The following TMPRSS11A variants were observed in gnomAD, a reference collection of about 807,000 sequenced individuals.
TMPRSS11A encodes transmembrane serine protease 11A.
Under a neutral mutation model 58.9 loss-of-function variants are expected in TMPRSS11A, and 53 were observed. The observed-to-expected ratio is 0.90, with a 90% CI of 0.72 to 1.13. The LOEUF is 1.13. Ranked by LOEUF, TMPRSS11A falls within the 50% of genes most tolerant of loss-of-function variation. TMPRSS11A has a pLI of 0.00. For missense variants in TMPRSS11A, 493 were observed against 499.3 expected, an observed-to-expected ratio of 0.99 and a Z score of 0.12; for synonymous variants, 167 against 169.8, an observed-to-expected ratio of 0.98 and a Z score of 0.13.
rs918086628 is a variant in TMPRSS11A at position 67,962,910 on chromosome 4, G to T, written c.11+473C>A. Among the ~76,000 whole-genome samples the T allele has an allele frequency of 1.6e-4, 25 of 152,152 alleles. 1 individual carries two copies. Among genetic ancestry groups the T allele is most frequent in the Admixed American group, 1.6e-3 (25 of 15,268 alleles). ...AAGCCCTGGGTCTTCTACAATGGAG[G>T]CAGGTGTCTCTGCAGCTATTTACCT... On this transcript the variant is annotated intron_variant, in intron 1 of 9. Coordinates refer to ENST00000508048, the MANE Select transcript of TMPRSS11A (RefSeq NM_001114387.2).
chr4:67,911,048 C>G lies in TMPRSS11A; in HGVS notation c.*294G>C, dbSNP rs1719963390. ...ACATTCTAAAAATCCCATGGACTAT[C>G]TTCAAAAATATGTATTGAGTCTCAC... On this transcript the variant is annotated 3_prime_UTR_variant, in exon 10 of 10. Transcript: ENST00000508048. 4 of 229,758 alleles carry G rather than the reference C, an allele frequency of 1.7e-5. No individual in the cohort carries two copies. The Admixed American group carries it at 2.1e-4, about 12-fold the overall frequency. 14.2% of individuals were successfully genotyped at this position (229,758 alleles called of 1,614,324 possible).
rs190786309 is a variant in TMPRSS11A at position 67,933,720 on chromosome 4, C to G, written c.253-1660G>C. On this transcript the variant is annotated intron_variant, in intron 3 of 9. Transcript: ENST00000508048. ...GTTATAACAATTTCTCTCTCATCAC[C>G]CACAGCCAGCTCTACTACTCAGTAT... Among the ~76,000 whole-genome samples, 732 of 152,130 alleles carry G rather than the reference C, an allele frequency of 4.8e-3. 2 individuals are homozygous for G. Among genetic ancestry groups the G allele is most frequent in the Non-Finnish European group, 8.2e-3 (560 of 68,002 alleles).
chr4:67,961,293 T>C (rs1346558750), intron 1 of TMPRSS11A, among the ~76,000 whole-genome samples: 1 of 152,128 alleles, frequency 6.6e-6, no homozygotes, highest in Non-Finnish European at 1.5e-5. Flanking sequence ...ATTGTAGTAA[T>C]TATTAACCAT....
intron 5 of TMPRSS11A, among the ~76,000 whole-genome samples, chr4:67,928,835 G>A (rs17639952): frequency 0.01 from 1,560 of 152,220 alleles, 9 homozygotes; most frequent in South Asian, 0.019. Flanking sequence ...GATAAAAATC[G>A]CTTGCCCTGA....
At chr4:67,932,848 A>G (rs898375217) in intron 3 of TMPRSS11A, among the ~76,000 whole-genome samples, 2 of 152,110 alleles carry the variant, frequency 1.3e-5, no homozygotes, top group African/African-American at 2.4e-5. Flanking sequence ...AGTTTATGTC[A>G]CCAAGGTAGG....
chr4:67,953,949 T>G (rs534504010), intron 1 of TMPRSS11A, among the ~76,000 whole-genome samples: 2 of 152,278 alleles, frequency 1.3e-5, no homozygotes, highest in Admixed American at 1.3e-4. Context: ...CTTCTGCCTC[T>G]AACTCCCAGA....
At chr4:67,952,602 G>A (rs943046556) in intron 1 of TMPRSS11A, among the ~76,000 whole-genome samples, 2 of 152,160 alleles carry the variant, frequency 1.3e-5, no homozygotes, top group African/African-American at 2.4e-5. Flanking sequence ...CATAATGGTG[G>A]CCAAAGTAAT....
chr4:67,944,449 T>G, intron 3 of TMPRSS11A, 70 bp downstream of exon 3: 1 of 1,526,258 alleles, frequency 6.6e-7, no homozygotes, highest in South Asian at 1.2e-5. Context: ...TTTTTAGAAA[T>G]GGAGAAATGA....
At chr4:67,931,565 C>A (rs1720621518) in intron 4 of TMPRSS11A, among the ~76,000 whole-genome samples, 1 of 152,096 alleles carries the variant, frequency 6.6e-6, no homozygotes, top group African/African-American at 2.4e-5. Context: ...GGTTACATTA[C>A]AGGTAAAATT....
intron 3 of TMPRSS11A, among the ~76,000 whole-genome samples, chr4:67,934,223 G>A (rs893150570): frequency 6.6e-6 from 1 of 152,198 alleles, no homozygotes. Flanking sequence ...AACGCTTTGA[G>A]AAATGGGGCA....
At chr4:67,951,038 A>C (rs185145856) in intron 1 of TMPRSS11A, among the ~76,000 whole-genome samples, 5 of 152,334 alleles carry the variant, frequency 3.3e-5, no homozygotes, top group Admixed American at 6.5e-5. Context: ...CCTGTGGCAC[A>C]GACAGCCCCA....
chr4:67,929,911 CA>C lies in TMPRSS11A; in HGVS notation c.449del (p.Leu150CysfsTer3). 2 of 1,613,256 alleles carry C rather than the reference CA, an allele frequency of 1.2e-6. No homozygotes were observed. The highest frequency in any genetic ancestry group is 2.7e-5 in the African/African-American group (2 of 75,030). On this transcript the variant is annotated frameshift_variant, in exon 5 of 10. Transcript: ENST00000508048. LOFTEE classifies it high-confidence loss of function. Reference sequence around the variant, plus strand: ...CTTGAACTGATGAGGCATTTATTGGCAAGGCTCTTAAATTCCTTATCTTCTG... The same window carrying C: ...CTTGAACTGATGAGGCATTTATTGGCAGGCTCTTAAATTCCTTATCTTCTG... ...LNQKIRNLRA[L>X]PINASSVQVN...
rs145059547 is a variant in TMPRSS11A at position 67,948,957 on chromosome 4, C to T, written c.12-2386G>A. Among the ~76,000 whole-genome samples, 151 of 151,812 alleles carry T rather than the reference C, an allele frequency of 9.9e-4. 2 individuals are homozygous for T. Among genetic ancestry groups the T allele is most frequent in the African/African-American group, 3.5e-3 (143 of 41,428 alleles). ...TCTCGGTGCCCCTCTCGATTGATTT[C>T]GTTCAAATTATTTAATAAATTTATC... On this transcript the variant is annotated intron_variant, in intron 1 of 9. Coordinates refer to ENST00000508048, the MANE Select transcript of TMPRSS11A (RefSeq NM_001114387.2).
At chr4:67,923,715 G>T (rs1296264974) in intron 6 of TMPRSS11A, among the ~76,000 whole-genome samples, 1 of 152,076 alleles carries the variant, frequency 6.6e-6, no homozygotes, top group African/African-American at 2.4e-5. Flanking sequence ...TCTCCATGTT[G>T]GTCAGGCTGG....
At chr4:67,928,316 A>G (rs353152) in intron 5 of TMPRSS11A, among the ~76,000 whole-genome samples, 110,540 of 152,164 alleles carry the variant, frequency 0.73, 40,906 homozygotes, top group African/African-American at 0.87. Context: ...AAAGTGCTGG[A>G]ATTATAGGCT....
chr4:67,918,353 G>A (rs1176707742), intron 8 of TMPRSS11A, among the ~76,000 whole-genome samples: 3 of 152,052 alleles, frequency 2.0e-5, no homozygotes, highest in African/African-American at 4.8e-5. Context: ...TACTTTTAGA[G>A]GGGACAAATA....
chr4:67,922,732 C>T, intron 7 of TMPRSS11A, 23 bp downstream of exon 7: 1 of 1,594,508 alleles, frequency 6.3e-7, no homozygotes, highest in Non-Finnish European at 8.6e-7. Flanking sequence ...GAAGTGGGTT[C>T]TAACTTAAGG....
chr4:67,928,599 A>G (rs1385322974), intron 5 of TMPRSS11A, among the ~76,000 whole-genome samples: 1 of 152,234 alleles, frequency 6.6e-6, no homozygotes, highest in Non-Finnish European at 1.5e-5. Flanking sequence ...CACAACTTCT[A>G]TTCATTTGCT....
At chr4:67,958,874 A>G (rs184683082) in intron 1 of TMPRSS11A, among the ~76,000 whole-genome samples, 3 of 152,260 alleles carry the variant, frequency 2.0e-5, no homozygotes, top group East Asian at 1.9e-4. Context: ...GATCTTTCCT[A>G]TGCTATTCTT....
Sources: gnomAD v4.1 joint callset for allele counts (sites outside exome capture counted in the v4.1 genomes callset) on GRCh38, gnomAD v4.1.1 for gene constraint, MANE v1.5 for transcripts, NCBI Gene and HGNC (gene_info 2026-07-23, HGNC 2026-07-21) for gene names.